Variants in PXMP2 observed in about 807,000 individuals in gnomAD.
PXMP2 encodes the protein 22 kDa peroxisomal membrane protein.
In PXMP2, 13 loss-of-function variants were observed where a neutral mutation model predicts 20.2. The ratio of observed to expected loss-of-function variants is 0.64; its 90% CI spans 0.42 to 1.02. The LOEUF (loss-of-function observed/expected upper bound fraction) is 1.02, where lower values mean the gene tolerates loss of function less well. Among genes scored for constraint, PXMP2 ranks in the 50% least tolerant of loss-of-function variants. The probability of loss-of-function intolerance (pLI) is 0.00; values close to 1 mark genes in which losing one functional copy is unlikely to be tolerated. For synonymous variants in PXMP2, 113 were observed against 111.2 expected, an observed-to-expected ratio of 1.02 and a Z score of -0.10; for missense variants, 284 against 251.8, an observed-to-expected ratio of 1.13 and a Z score of -0.87.
Position 132,690,315 on chromosome 12 carries a change from C to G in PXMP2, c.175C>G (p.Arg59Gly), listed in dbSNP as rs773878799. Residue 59 changes from arginine to glycine, a missense_variant, in exon 2 of 5, where the codon CGG becomes GGG. Arg to Gly is a moderately radical substitution (Grantham distance 125). Transcript: ENST00000317479. The stretch of plus-strand genomic sequence containing the variant: ...CCTGGCCCAGATGATTGAGAAGAAG[C>G]GGAAAAAAGAAAACTCTAGAAGTCT... ...NFLAQMIEKK[R>G]KKENSRSLDV... 6.2e-7 allele frequency: 1 copy of G among 1,613,832 alleles called. No individual in the cohort carries two copies. Among genetic ancestry groups the G allele is most frequent in the Non-Finnish European group, 8.5e-7 (1 of 1,179,920 alleles).
At chr12:132,701,627 C>G in intron 4 of PXMP2, 2 of 478,198 alleles carry the variant, frequency 4.2e-6, no homozygotes, top group Non-Finnish European at 7.3e-6. Context: ...TCGTCTTTGC[C>G]TCTTCTGTTC....
At chr12:132,704,529 CGGGT>C in intron 4 of PXMP2, 86 bp from the exon 5 acceptor site, 1 of 1,077,050 alleles carries the variant, frequency 9.3e-7, no homozygotes, top group Non-Finnish European at 1.3e-6. Flanking sequence ...GACCAACAAA[CGGGT>C]AAACAAATGA....
At chr12:132,689,773 C>A (rs2043356041) in intron 1 of PXMP2, among the ~76,000 whole-genome samples, 1 of 152,138 alleles carries the variant, frequency 6.6e-6, no homozygotes, top group Admixed American at 6.5e-5. Context: ...TCCCAGTGTC[C>A]CCCATTGGTT....
intron 3 of PXMP2, among the ~76,000 whole-genome samples, chr12:132,701,039 C>A (rs143520664): frequency 1.3e-5 from 2 of 152,328 alleles, no homozygotes; most frequent in Non-Finnish European, 2.9e-5. Context: ...CCAGCATGAG[C>A]AGGCTGCTGT....
At chr12:132,700,466 C>T (rs1281040646) in intron 3 of PXMP2, among the ~76,000 whole-genome samples, 1 of 152,138 alleles carries the variant, frequency 6.6e-6, no homozygotes, top group Non-Finnish European at 1.5e-5. Context: ...TTCTTGGCCA[C>T]TTGTTTTTCT....
intron 2 of PXMP2, among the ~76,000 whole-genome samples, chr12:132,692,100 G>A (rs945488996): frequency 2.8e-4 from 39 of 141,498 alleles, no homozygotes; most frequent in Admixed American, 1.1e-3. Context: ...GTTAGTGAGC[G>A]CCCTTGCCAG....
Position 132,687,785 on chromosome 12 carries a change from GCCACC to G in PXMP2, c.116_120del (p.Ala39GlufsTer16), listed in dbSNP as rs905494840. On this transcript the variant is annotated frameshift_variant and splice_region_variant, in exon 1 of 5. Transcript: ENST00000317479. LOFTEE classifies it high-confidence loss of function. ...GCTCTACCCGGTGCTCACCAAGGCG[GCCACC>G]AGGTGAGCGGGGGCGCGGGAATCGG... The G allele has an allele frequency of 9.1e-5, 106 of 1,164,520 alleles. No individual in the cohort carries two copies. Among genetic ancestry groups the G allele is most frequent in the Non-Finnish European group, 1.1e-4 (102 of 945,458 alleles). 72.1% of individuals were successfully genotyped at this position (1,164,520 alleles called of 1,614,324 possible). A position where few individuals can be genotyped will look rare whatever the true frequency, so the allele number is the denominator to read the frequency against.
intron 2 of PXMP2, among the ~76,000 whole-genome samples, chr12:132,694,668 C>T (rs2043398889): frequency 7.7e-6 from 1 of 129,476 alleles, no homozygotes. Flanking sequence ...CTCCCTTAGC[C>T]AGTTAGTTAG....
rs189249025 is a variant in PXMP2, at chr12:132,701,118, G to A, written c.400-132G>A. 1.5e-3 allele frequency: 1,949 copies of A among 1,295,108 alleles called. 19 individuals carry two copies. The African/African-American group carries it at 0.026, about 17-fold the overall frequency. 80.2% of individuals were successfully genotyped at this position (1,295,108 alleles called of 1,614,324 possible). On this transcript the variant is annotated intron_variant, in intron 3 of 4. Coordinates refer to ENST00000317479, the MANE Select transcript of PXMP2 (RefSeq NM_018663.3). ...TAGAGCCGCAGTGCTGAGTACACAT[G>A]TGTGCTGTCTGCGTACACACAGAAC...
At chr12:132,701,151 A>G in intron 3 of PXMP2, 99 bp from the exon 4 acceptor site, 1 of 1,527,454 alleles carries the variant, frequency 6.5e-7, no homozygotes, top group African/African-American at 1.4e-5. Context: ...AACAAAATCC[A>G]ATAGCAGTTT....
In PXMP2 at chr12:132,690,365, T is replaced by C. The variant is rs1170356185; in HGVS notation, c.225T>C (p.Tyr75=). 2.2e-5 allele frequency: 36 copies of C among 1,612,828 alleles called. No homozygotes were observed. The highest frequency in any genetic ancestry group is 4.4e-5 in the South Asian group (4 of 91,044). Residue 75 remains tyrosine (Y), a synonymous_variant, in exon 2 of 5, where the codon TAT becomes TAC. Coordinates refer to ENST00000317479, the MANE Select transcript of PXMP2 (RefSeq NM_018663.3). ...RSLDVGGPLR[Y]AVYGFFFTGP... ...TGGATGTCGGTGGGCCTCTGAGATA[T>C]GCCGTTTACGGGTGAGTGCCATACA...
intron 2 of PXMP2, among the ~76,000 whole-genome samples, chr12:132,691,095 A>G (rs1449248696): frequency 6.9e-6 from 1 of 145,764 alleles, no homozygotes; most frequent in Non-Finnish European, 1.5e-5. Context: ...TCTGCTGCCC[A>G]GACTGGAGTG....
chr12:132,702,128 G>A lies in PXMP2; in HGVS notation c.519+759G>A, dbSNP rs115323878. 2.5e-3 allele frequency among the ~76,000 whole-genome samples: 374 copies of A among 152,320 alleles called. 1 individual carries two copies. The highest frequency in any genetic ancestry group is 8.3e-3 in the African/African-American group (346 of 41,574). Reference sequence around the variant, plus strand: ...AATGTTAAAAAGAAACAAAGCATTCGTGGTCCCTGGGCTCATGAATTACAG... The same window carrying A: ...AATGTTAAAAAGAAACAAAGCATTCATGGTCCCTGGGCTCATGAATTACAG... On this transcript the variant is annotated intron_variant, in intron 4 of 4. Coordinates refer to ENST00000317479, the MANE Select transcript of PXMP2 (RefSeq NM_018663.3).
rs779420485 is a variant in PXMP2, at chr12:132,704,818, A to G, written c.*131A>G. Reference sequence around the variant, plus strand: ...AGGTGATTCAAGATGCCCAAAAATGATGGATAGAGAAACAGAAATCTCTGA... The same window carrying G: ...AGGTGATTCAAGATGCCCAAAAATGGTGGATAGAGAAACAGAAATCTCTGA... On this transcript the variant is annotated 3_prime_UTR_variant, in exon 5 of 5. Transcript: ENST00000317479. 6 of 865,924 alleles carry G rather than the reference A, an allele frequency of 6.9e-6. No homozygotes were observed. In the South Asian group the frequency reaches 7.1e-5, roughly 10 times the overall value. The allele number at this position is 865,924 out of a possible 1,614,324, so 53.6% of individuals were successfully genotyped here. A position where few individuals can be genotyped will look rare whatever the true frequency, so the allele number is the denominator to read the frequency against.
At chr12:132,702,765 C>T (rs2043449934) in intron 4 of PXMP2, among the ~76,000 whole-genome samples, 1 of 152,218 alleles carries the variant, frequency 6.6e-6, no homozygotes, top group South Asian at 2.1e-4. Flanking sequence ...AGGACCTGAA[C>T]AGGCCTGCAG....
At chr12:132,693,055 C>T (rs1387246603) in intron 2 of PXMP2, among the ~76,000 whole-genome samples, 1 of 44,892 alleles carries the variant, frequency 2.2e-5, no homozygotes, top group South Asian at 1.0e-3. Context: ...AGATAGTGAG[C>T]GCCCTTAGCC....
intron 4 of PXMP2, chr12:132,702,434 GT>G (rs1294744488): frequency 2.8e-6 from 1 of 354,024 alleles, no homozygotes; most frequent in African/African-American, 2.2e-5. Flanking sequence ...CACAGCCAGG[GT>G]CCCCAGGACC....
In PXMP2 at chr12:132,703,190, T is replaced by C. The variant is rs559792270; in HGVS notation, c.520-1429T>C. On this transcript the variant is annotated intron_variant, in intron 4 of 4. Transcript: ENST00000317479. ...GCTCATGCCTGTAATCCCAGAACTT[T>C]GAGAGGCTGAGGCAGAAGGATCACT... is the stretch of plus-strand genomic sequence containing the variant. Among the ~76,000 whole-genome samples the C allele has an allele frequency of 2.6e-5, 4 of 152,192 alleles. No individual in the cohort carries two copies. The East Asian group carries it at 7.7e-4, about 29-fold the overall frequency.
chr12:132,701,555 A>G (rs2043442159), intron 4 of PXMP2, 186 bp downstream of exon 4: 1 of 781,102 alleles, frequency 1.3e-6, no homozygotes, highest in Non-Finnish European at 1.9e-6. Context: ...GATTTTGCCC[A>G]TGACCCTGAA....
Sources: gnomAD v4.1 joint callset for allele counts (sites outside exome capture counted in the v4.1 genomes callset) on GRCh38, gnomAD v4.1.1 for gene constraint, MANE v1.5 for transcripts, NCBI Gene and HGNC (gene_info 2026-07-23, HGNC 2026-07-21) for gene names.